Variants in ZFAND3 observed in about 807,000 individuals in gnomAD.
ZFAND3 encodes the protein zinc finger AN1-type containing 3.
A neutral mutation model predicts 29.6 loss-of-function variants in ZFAND3; 10 were observed. The observed-to-expected ratio is 0.34, with a 90% CI of 0.21 to 0.57. ZFAND3 has a LOEUF of 0.57. Among genes scored for constraint, ZFAND3 ranks in the 20% least tolerant of loss-of-function variants. ZFAND3 has a pLI of 0.86. For synonymous variants in ZFAND3, 128 were observed against 112.6 expected (o/e 1.14, Z -0.87); for missense variants, 230 against 304.5 (o/e 0.76, Z 1.82).
intron 3 of ZFAND3, among the ~76,000 whole-genome samples, chr6:38,066,449 G>A (rs1481328046): frequency 6.6e-6 from 1 of 152,188 alleles, no homozygotes; most frequent in Non-Finnish European, 1.5e-5. Context: ...TTCCTTCTTA[G>A]CTTCTCCTGA....
chr6:37,828,964 C>T (rs964233805), intron 1 of ZFAND3, among the ~76,000 whole-genome samples: 1 of 152,010 alleles, frequency 6.6e-6, no homozygotes, highest in Non-Finnish European at 1.5e-5. Context: ...TGGTATTATT[C>T]TTTTTCTTCA....
intron 2 of ZFAND3, among the ~76,000 whole-genome samples, chr6:37,996,291 A>G (rs1035029145): frequency 1.3e-5 from 2 of 152,204 alleles, no homozygotes. Flanking sequence ...ATTTCTCTTC[A>G]GCATTATTAT....
intron 1 of ZFAND3, among the ~76,000 whole-genome samples, chr6:37,929,204 G>T (rs961941184): frequency 1.3e-5 from 2 of 152,216 alleles, no homozygotes. Flanking sequence ...TTCATCGCTT[G>T]TAACCAATTC....
At chr6:37,847,692 C>T (rs1561909547) in intron 1 of ZFAND3, among the ~76,000 whole-genome samples, 1 of 152,002 alleles carries the variant, frequency 6.6e-6, no homozygotes, top group Non-Finnish European at 1.5e-5. Flanking sequence ...AGAAGTTAAT[C>T]TGTTACATGT....
chr6:38,054,887 C>G (rs1185659483), intron 2 of ZFAND3, among the ~76,000 whole-genome samples: 1 of 152,080 alleles, frequency 6.6e-6, no homozygotes, highest in Non-Finnish European at 1.5e-5. Flanking sequence ...GGCTAGAAGT[C>G]TGGTTTATGA....
At chr6:38,019,381 A>AT (rs1263911923) in intron 2 of ZFAND3, among the ~76,000 whole-genome samples, 7 of 152,058 alleles carry the variant, frequency 4.6e-5, no homozygotes, top group African/African-American at 1.4e-4. Context: ...CTCTTTGTCC[A>AT]TTTTTTCTAT....
intron 2 of ZFAND3, among the ~76,000 whole-genome samples, chr6:37,958,608 GACTTAT>G (rs1337055615): frequency 1.3e-5 from 2 of 152,102 alleles, no homozygotes; most frequent in African/African-American, 2.4e-5. Flanking sequence ...CACTTGAATT[GACTTAT>G]ACTTAGGGAA....
intron 5 of ZFAND3, among the ~76,000 whole-genome samples, chr6:38,130,630 G>A (rs1427676895): frequency 3.9e-5 from 6 of 152,160 alleles, no homozygotes. Flanking sequence ...ACTTGAGTAT[G>A]TTAAACCATC....
rs968861530 is a variant in ZFAND3, at chr6:37,820,026, C to G, written c.71+10C>G. The G allele has an allele frequency of 1.4e-5, 12 of 862,244 alleles. No homozygotes were observed. The African/African-American group carries it at 1.8e-4, about 13-fold the overall frequency. 53.4% of individuals were successfully genotyped at this position (862,244 alleles called of 1,614,324 possible). The stretch of plus-strand genomic sequence containing the variant: ...CCTGCGGCTTCTGGGGGTAAGTGCC[C>G]GGCCGGGTGGGGGCGGGGGGCGGGG... On this transcript the variant is annotated intron_variant, in intron 1 of 5. Transcript: ENST00000287218.
At chr6:37,937,704 G>A (rs116351526) in intron 2 of ZFAND3, among the ~76,000 whole-genome samples, 5 of 148,128 alleles carry the variant, frequency 3.4e-5, no homozygotes, top group Non-Finnish European at 5.9e-5. Context: ...CTCTTAAGAC[G>A]AAGTGTTTGA....
At chr6:37,938,637 C>CTG (rs1367060263) in intron 2 of ZFAND3, among the ~76,000 whole-genome samples, 1 of 152,222 alleles carries the variant, frequency 6.6e-6, no homozygotes, top group East Asian at 1.9e-4. Context: ...ATTAGCAGTG[C>CTG]TGGACTGTGG....
chr6:38,116,775 A>C (rs1416072220), intron 5 of ZFAND3, 36 bp downstream of exon 5: 1 of 1,601,740 alleles, frequency 6.2e-7, no homozygotes. Context: ...TGGAGACTAT[A>C]TCCTTAACAC....
chr6:38,034,479 A>G (rs1345735557), intron 2 of ZFAND3, among the ~76,000 whole-genome samples: 1 of 152,174 alleles, frequency 6.6e-6, no homozygotes, highest in Admixed American at 6.5e-5. Flanking sequence ...AGGAGCATCT[A>G]AGAAAGAACT....
intron 4 of ZFAND3, among the ~76,000 whole-genome samples, chr6:38,108,936 A>G (rs191299274): frequency 7.8e-4 from 118 of 152,254 alleles, no homozygotes; most frequent in African/African-American, 2.6e-3. Flanking sequence ...AACCTTTTCT[A>G]TATGTTTGAA....
Position 38,037,144 on chromosome 6 carries a change from A to T in ZFAND3, c.113-24449A>T, listed in dbSNP as rs370962801. 7.9e-5 allele frequency among the ~76,000 whole-genome samples: 12 copies of T among 152,354 alleles called. No homozygotes were observed. The South Asian group carries it at 2.3e-3, about 29-fold the overall frequency. ...AGCTACTCAATCTTTTAGTGAATAGAGAATAGATATCCCTTGGCCATGTCT... is the reference window on the plus strand; with the variant it reads ...AGCTACTCAATCTTTTAGTGAATAGTGAATAGATATCCCTTGGCCATGTCT... On this transcript the variant is annotated intron_variant, in intron 2 of 5. Transcript: ENST00000287218.
chr6:37,891,509 G>A (rs1172255717), intron 1 of ZFAND3, among the ~76,000 whole-genome samples: 4 of 150,276 alleles, frequency 2.7e-5, no homozygotes, highest in Non-Finnish European at 5.9e-5. Flanking sequence ...TGAGGCAGGA[G>A]AATCACTTGA....
intron 1 of ZFAND3, among the ~76,000 whole-genome samples, chr6:37,878,320 TG>T (rs543225079): frequency 6.6e-4 from 100 of 152,254 alleles, no homozygotes; most frequent in Middle Eastern, 6.8e-3. Flanking sequence ...TGCAGCACTA[TG>T]TGTGAGCCCT....
At chr6:38,013,393 CA>C (rs1484467880) in intron 2 of ZFAND3, among the ~76,000 whole-genome samples, 4 of 152,188 alleles carry the variant, frequency 2.6e-5, no homozygotes, top group African/African-American at 9.6e-5. Context: ...ACCTTCAAAA[CA>C]AATACATTCC....
intron 5 of ZFAND3, among the ~76,000 whole-genome samples, chr6:38,125,358 C>A (rs1014959816): frequency 6.6e-6 from 1 of 152,128 alleles, no homozygotes; most frequent in African/African-American, 2.4e-5. Flanking sequence ...TGTATTTAGC[C>A]CATTAGTGCA....
Sources: allele counts gnomAD v4.1 joint callset (sites outside exome capture counted in the v4.1 genomes callset), GRCh38; gene constraint gnomAD v4.1.1; transcripts MANE v1.5; gene names NCBI Gene and HGNC (gene_info 2026-07-23, HGNC 2026-07-21).